USH2A: variants seen among roughly 807,000 people sequenced by gnomAD.
USH2A encodes the protein Usher syndrome 2A (autosomal recessive, mild).
USH2A carries 443 observed loss-of-function variants against 538.9 expected under a neutral mutation model. That is an observed-to-expected ratio of 0.82 (90% CI 0.76 to 0.89). The LOEUF (loss-of-function observed/expected upper bound fraction) is 0.89. Ranked by LOEUF, USH2A falls within the 40% of genes least tolerant of loss-of-function variation. The pLI, the probability that USH2A is intolerant of heterozygous loss-of-function variation, is 0.00. For missense variants in USH2A, 6,633 were observed against 6,324.8 expected, an observed-to-expected ratio of 1.05 and a Z score of -1.65; for synonymous variants, 2,413 against 2,273.5, an observed-to-expected ratio of 1.06 and a Z score of -1.75.
At chr1:216,104,083 A>G (rs1368078189) in intron 21 of USH2A, among the ~76,000 whole-genome samples, 1 of 148,410 alleles carries the variant, frequency 6.7e-6, no homozygotes, top group Non-Finnish European at 1.5e-5. Flanking sequence ...CTTTTTTTTT[A>G]TACTTTAAGT....
chr1:216,073,644 G>T lies in USH2A; in HGVS notation c.5573-344C>A, dbSNP rs181855347. Among the ~76,000 whole-genome samples the T allele has an allele frequency of 2.6e-3, 392 of 152,288 alleles. 1 individual carries two copies. Among genetic ancestry groups the T allele is most frequent in the Non-Finnish European group, 4.2e-3 (289 of 68,024 alleles). ...AGGCAACTTCATATTATGGTAGGGG[G>T]ATAGCCCCATGTCTCTTAATTCTGA... On this transcript the variant is annotated intron_variant, in intron 27 of 71. Coordinates refer to ENST00000307340, the MANE Select transcript of USH2A (RefSeq NM_206933.4).
chr1:215,976,390 G>A lies in USH2A; in HGVS notation c.6806-5614C>T, dbSNP rs997495091. Among the ~76,000 whole-genome samples, 3 of 152,114 alleles carry A rather than the reference G, an allele frequency of 2.0e-5. No homozygotes were observed. The East Asian group carries it at 5.8e-4, about 29-fold the overall frequency. On this transcript the variant is annotated intron_variant, in intron 35 of 71. Transcript: ENST00000307340. The stretch of plus-strand genomic sequence containing the variant: ...GAGTGGGCATTCTTATCTTGTTCCT[G>A]TTCTCAGATAGAATGCTTCCAGCTT...
At position 215,628,969 on chromosome 1, in the gene USH2A, A is replaced by T; in HGVS notation, c.15364T>A (p.Cys5122Ser). Residue 5122 changes from cysteine to serine, a missense_variant, in exon 71 of 72, where the codon TGT becomes AGT. Coordinates refer to ENST00000307340, the MANE Select transcript of USH2A (RefSeq NM_206933.4). ...TTTTGACTCGGGATGCGCAGGACAC[A>T]TGCACTCCGGTTGCTGCGGATACTC... is the stretch of plus-strand genomic sequence containing the variant. ...PVSIRSNRSA[C>S]VLRIPSQNQT... 1 of 1,613,996 alleles carries T rather than the reference A, an allele frequency of 6.2e-7. No individual in the cohort carries two copies. The highest frequency in any genetic ancestry group is 8.5e-7 in the Non-Finnish European group (1 of 1,180,026).
Position 215,970,512 on chromosome 1 carries a change from C to T in USH2A, c.6957+113G>A, listed in dbSNP as rs771994326. The T allele has an allele frequency of 1.5e-5, 20 of 1,343,756 alleles. No homozygotes were observed. In the South Asian group the frequency reaches 2.4e-4, roughly 16 times the overall value. The allele number at this position is 1,343,756 out of a possible 1,614,324, so 83.2% of individuals were successfully genotyped here. On this transcript the variant is annotated intron_variant, in intron 36 of 71. Coordinates refer to ENST00000307340, the MANE Select transcript of USH2A (RefSeq NM_206933.4). ...TTTATAAAAAGAAAAATCTCCCATC[C>T]TGCTTGAAAGGCTAGCTGTGCAGAG...
rs1452939723 is a variant in USH2A, at chr1:216,370,699, A to T, written c.652-5614T>A. Reference sequence around the variant, plus strand: ...TCTCAAAAAAAAAAAAAAAAAAAAAAAAATACTCAAGGTGCTATAGAAGCG... The same window carrying T: ...TCTCAAAAAAAAAAAAAAAAAAAAATAAATACTCAAGGTGCTATAGAAGCG... On this transcript the variant is annotated intron_variant, in intron 3 of 71. Transcript: ENST00000307340. Among the ~76,000 whole-genome samples, 2 of 150,360 alleles carry T rather than the reference A, an allele frequency of 1.3e-5. 1 individual carries two copies. Among genetic ancestry groups the T allele is most frequent in the Non-Finnish European group, 3.0e-5 (2 of 67,706 alleles).
intron 9 of USH2A, among the ~76,000 whole-genome samples, chr1:216,317,409 G>T (rs1341024826): frequency 2.0e-5 from 3 of 152,068 alleles, no homozygotes; most frequent in African/African-American, 4.8e-5. Context: ...TGGGGGCTGT[G>T]GGGGGAAGAG....
chr1:216,351,055 G>A (rs772798971), intron 4 of USH2A, among the ~76,000 whole-genome samples: 9 of 152,006 alleles, frequency 5.9e-5, no homozygotes, highest in Non-Finnish European at 1.2e-4. Flanking sequence ...GCTGCCCATC[G>A]ATTCATTTAC....
chr1:215,970,965 C>T (rs1025626692), intron 35 of USH2A, among the ~76,000 whole-genome samples, 189 bp from the exon 36 acceptor site: 22 of 151,824 alleles, frequency 1.4e-4, no homozygotes, highest in Admixed American at 3.3e-4. Flanking sequence ...GAATATCAAA[C>T]TGTAAACCTA....
At chr1:215,773,506 CTCTCTG>C (rs879640989) in intron 55 of USH2A, among the ~76,000 whole-genome samples, 4,572 of 130,226 alleles carry the variant, frequency 0.035, 119 homozygotes, top group African/African-American at 0.071. Flanking sequence ...CTCTCTCTCT[CTCTCTG>C]TCTCTCTCTC....
At chr1:215,634,813 G>A in intron 69 of USH2A, 110 bp from the exon 70 acceptor site, 2 of 1,574,252 alleles carry the variant, frequency 1.3e-6, no homozygotes, top group Non-Finnish European at 1.7e-6. Flanking sequence ...GCAGAAAGCA[G>A]TTTGTCTCTT....
intron 46 of USH2A, among the ~76,000 whole-genome samples, chr1:215,842,826 G>A (rs966808890): frequency 1.1e-4 from 16 of 152,048 alleles, no homozygotes; most frequent in Admixed American, 1.0e-3. Flanking sequence ...CATCAGGGGA[G>A]GGAGATCATC....
intron 62 of USH2A, among the ~76,000 whole-genome samples, chr1:215,678,268 A>C (rs1307915117): frequency 1.3e-5 from 2 of 152,222 alleles, no homozygotes; most frequent in Non-Finnish European, 2.9e-5. Context: ...TTTTCATTGC[A>C]CTTGGAACAA....
rs113255524 is a variant in USH2A at position 216,282,270 on chromosome 1, G to A, written c.1971+7010C>T. 4.1e-3 allele frequency among the ~76,000 whole-genome samples: 621 copies of A among 152,160 alleles called. 2 individuals carry two copies. The highest frequency in any genetic ancestry group is 0.014 in the African/African-American group (587 of 41,510). ...ACATTTTATCTTCTGTTTCTTAGGC[G>A]TTTGGTGTCATATCTAAAAAGCCAC... On this transcript the variant is annotated intron_variant, in intron 11 of 71. Transcript: ENST00000307340.
intron 21 of USH2A, among the ~76,000 whole-genome samples, chr1:216,103,234 G>A (rs1346224602): frequency 6.6e-6 from 1 of 152,226 alleles, no homozygotes; most frequent in African/African-American, 2.4e-5. Context: ...TACTGTGGGT[G>A]CTGGGTACAC....
At chr1:216,402,612 T>C (rs1197718503) in intron 3 of USH2A, among the ~76,000 whole-genome samples, 1 of 152,164 alleles carries the variant, frequency 6.6e-6, no homozygotes, top group East Asian at 1.9e-4. Context: ...ATAATTATCT[T>C]AACAATGTTT....
chr1:216,288,658 T>C (rs2036936362), intron 11 of USH2A, among the ~76,000 whole-genome samples: 1 of 152,194 alleles, frequency 6.6e-6, no homozygotes, highest in East Asian at 1.9e-4. Context: ...TTTTCACTTA[T>C]TAGTATTATC....
At chr1:216,248,483 A>T (rs1050097039) in intron 12 of USH2A, among the ~76,000 whole-genome samples, 1 of 152,030 alleles carries the variant, frequency 6.6e-6, no homozygotes, top group African/African-American at 2.4e-5. Context: ...AGTCAAAAAC[A>T]TACTCAGGAA....
At position 215,674,339 on chromosome 1, in the gene USH2A, T is replaced by G. The variant is rs1209690333; in HGVS notation, c.13572A>C (p.Lys4524Asn). 4 of 1,613,894 alleles carry G rather than the reference T, an allele frequency of 2.5e-6. No homozygotes were observed. Among genetic ancestry groups the G allele is most frequent in the Non-Finnish European group, 3.4e-6 (4 of 1,179,866 alleles). Residue 4524 changes from lysine (K) to asparagine (N), a missense_variant, in exon 63 of 72, where the codon AAA (lysine) becomes AAC (asparagine). Coordinates refer to ENST00000307340, the MANE Select transcript of USH2A (RefSeq NM_206933.4). ...AGGGTGCTGAGGGGCTGGTTCGATCTTTGACAAGAGGACTCAAAATACCCC... is the reference window on the plus strand; with the variant it reads ...AGGGTGCTGAGGGGCTGGTTCGATCGTTGACAAGAGGACTCAAAATACCCC... The part of the protein sequence containing the change: ...SQGGILSPLV[K>N]DRTSPSAPSG...
chr1:216,079,237 A>G (rs2031852217), intron 26 of USH2A: 1 of 152,106 alleles, frequency 6.6e-6, no homozygotes. Context: ...CACTTATTCA[A>G]TAAATATCGA....
Sources: gnomAD v4.1 joint callset for allele counts (sites outside exome capture counted in the v4.1 genomes callset) on GRCh38, gnomAD v4.1.1 for gene constraint, MANE v1.5 for transcripts, NCBI Gene and HGNC (gene_info 2026-07-23, HGNC 2026-07-21) for gene names.